Variants in BANK1 observed in about 807,000 individuals in gnomAD.
BANK1 encodes B-cell scaffold protein with ankyrin repeats.
In BANK1, 95 loss-of-function variants were observed where a neutral mutation model predicts 94.5. That is an observed-to-expected ratio of 1.00 (90% CI 0.85 to 1.19). The LOEUF is 1.19. BANK1 is among the 50% of genes most tolerant of loss of function. BANK1 has a pLI of 0.00. For missense variants in BANK1, 987 were observed against 932.2 expected (o/e 1.06, Z -0.77); for synonymous variants, 334 against 308.4 (o/e 1.08, Z -0.87).
In BANK1 at chr4:101,909,030, T is replaced by C. The variant is rs948969137; in HGVS notation, c.1010-8963T>C. 2.6e-5 allele frequency among the ~76,000 whole-genome samples: 4 copies of C among 152,302 alleles called. No individual in the cohort carries two copies. The South Asian group carries it at 6.2e-4, about 24-fold the overall frequency. ...CTCAAGGATCTAGAACTAGAAATAC[T>C]ATTTGACCCAGCCATCCCATTACTG... On this transcript the variant is annotated intron_variant, in intron 6 of 16. Coordinates refer to ENST00000322953, the MANE Select transcript of BANK1 (RefSeq NM_017935.5).
At chr4:102,011,708 C>T (rs904408110) in intron 7 of BANK1, among the ~76,000 whole-genome samples, 2 of 152,098 alleles carry the variant, frequency 1.3e-5, no homozygotes, top group African/African-American at 4.8e-5. Flanking sequence ...TTTCTTCTAC[C>T]AGAAAAGTTT....
At chr4:101,797,874 C>T (rs1725212130) in intron 1 of BANK1, among the ~76,000 whole-genome samples, 1 of 152,086 alleles carries the variant, frequency 6.6e-6, no homozygotes, top group South Asian at 2.1e-4. Flanking sequence ...TTAAGAAAAA[C>T]ATTGTATTTA....
intron 10 of BANK1, among the ~76,000 whole-genome samples, chr4:102,041,058 C>G (rs113333242): frequency 2.9e-3 from 443 of 152,168 alleles, no homozygotes; most frequent in African/African-American, 0.01. Context: ...CTAACCACAA[C>G]TCTTGCTTTA....
intron 7 of BANK1, among the ~76,000 whole-genome samples, chr4:101,944,000 A>C (rs1723839454): frequency 6.6e-6 from 1 of 150,776 alleles, no homozygotes; most frequent in Non-Finnish European, 1.5e-5. Context: ...TTTGTAGATA[A>C]CCAGTAAATG....
intron 2 of BANK1, among the ~76,000 whole-genome samples, chr4:101,853,039 C>G (rs1445839554): frequency 6.6e-6 from 1 of 151,576 alleles, no homozygotes; most frequent in African/African-American, 2.4e-5. Flanking sequence ...TTGTGTATGT[C>G]TATGTGTGTG....
intron 3 of BANK1, among the ~76,000 whole-genome samples, chr4:101,860,286 C>T (rs776630330): frequency 1.3e-5 from 2 of 151,920 alleles, no homozygotes; most frequent in Non-Finnish European, 1.5e-5. Context: ...CCCTGTGTGA[C>T]GGTAAGGTCA....
intron 7 of BANK1, among the ~76,000 whole-genome samples, chr4:102,007,092 A>ATATTATAT (rs1322128290): frequency 4.9e-5 from 4 of 82,298 alleles, no homozygotes; most frequent in African/African-American, 1.7e-4. Flanking sequence ...ATATATATAT[A>ATATTATAT]ATATATTTAT....
chr4:101,983,556 A>G (rs1725387602), intron 7 of BANK1, among the ~76,000 whole-genome samples: 1 of 152,116 alleles, frequency 6.6e-6, no homozygotes, highest in Non-Finnish European at 1.5e-5. Context: ...TAATTTCAGT[A>G]CAGCCCCTTC....
chr4:101,794,441 C>T (rs1225092442), intron 1 of BANK1, among the ~76,000 whole-genome samples: 1 of 152,042 alleles, frequency 6.6e-6, no homozygotes, highest in Non-Finnish European at 1.5e-5. Flanking sequence ...CTAAGTTACA[C>T]TTATTAATTT....
chr4:101,856,640 A>T (rs928776325), intron 3 of BANK1, among the ~76,000 whole-genome samples: 2 of 152,110 alleles, frequency 1.3e-5, no homozygotes, highest in Non-Finnish European at 2.9e-5. Context: ...CTCTTACTAA[A>T]TTTTCAAAGA....
intron 7 of BANK1, among the ~76,000 whole-genome samples, chr4:101,944,147 G>A (rs13126505): frequency 0.04 from 6,109 of 151,594 alleles, 186 homozygotes; most frequent in Non-Finnish European, 0.064. Flanking sequence ...TCAGTAAGCC[G>A]GTTTTCCTTA....
chr4:102,067,607 AAGAT>A (rs952437042), intron 13 of BANK1, among the ~76,000 whole-genome samples: 9 of 152,008 alleles, frequency 5.9e-5, no homozygotes, highest in South Asian at 2.1e-4. Context: ...GTTCACTAGA[AAGAT>A]AGAGCGATTC....
At chr4:102,057,114 A>G (rs1438890061) in intron 11 of BANK1, among the ~76,000 whole-genome samples, 1 of 152,170 alleles carries the variant, frequency 6.6e-6, no homozygotes, top group Non-Finnish European at 1.5e-5. Context: ...TTACAAATAA[A>G]TCGATAGACC....
intron 5 of BANK1, among the ~76,000 whole-genome samples, chr4:101,876,650 A>G (rs1728500511): frequency 6.6e-6 from 1 of 152,220 alleles, no homozygotes; most frequent in African/African-American, 2.4e-5. Flanking sequence ...ATAGGCAAAC[A>G]TCTATAAATA....
intron 1 of BANK1, among the ~76,000 whole-genome samples, chr4:101,805,685 A>C (rs936683905): frequency 1.3e-5 from 2 of 151,226 alleles, no homozygotes; most frequent in Middle Eastern, 3.2e-3. Flanking sequence ...GCCTCAGATA[A>C]ATATACAAAT....
intron 10 of BANK1, among the ~76,000 whole-genome samples, chr4:102,038,247 T>C (rs1207587185): frequency 6.6e-6 from 1 of 152,182 alleles, no homozygotes; most frequent in East Asian, 1.9e-4. Context: ...ATGCTACTTC[T>C]TGGGACAGCA....
chr4:101,999,065 G>T (rs1052561588), intron 7 of BANK1, among the ~76,000 whole-genome samples: 1 of 152,084 alleles, frequency 6.6e-6, no homozygotes, highest in Admixed American at 6.6e-5. Flanking sequence ...ATCTAGTTTG[G>T]AAATCTTTTT....
chr4:101,854,815 T>C (rs189157645), intron 2 of BANK1, among the ~76,000 whole-genome samples: 1 of 152,330 alleles, frequency 6.6e-6, no homozygotes, highest in African/African-American at 2.4e-5. Context: ...GAACATAGTA[T>C]TACATAGTTG....
chr4:101,881,588 T>A (rs918839216), intron 5 of BANK1, among the ~76,000 whole-genome samples: 2 of 152,092 alleles, frequency 1.3e-5, no homozygotes, highest in Admixed American at 6.6e-5. Flanking sequence ...AGAAAGGAAA[T>A]CAGTATATCA....
Sources: allele counts gnomAD v4.1 joint callset (sites outside exome capture counted in the v4.1 genomes callset), GRCh38; gene constraint gnomAD v4.1.1; transcripts MANE v1.5; gene names NCBI Gene and HGNC (gene_info 2026-07-23, HGNC 2026-07-21).